Variants in LTBP2 observed in about 807,000 individuals in gnomAD.
LTBP2 encodes latent transforming growth factor beta binding protein 2, also known as latent-transforming growth factor beta-binding protein 2.
A neutral mutation model predicts 210.6 loss-of-function variants in LTBP2; 103 were observed. That is an observed-to-expected ratio of 0.49 (90% confidence interval 0.42 to 0.58). The LOEUF is 0.58. Ranked by LOEUF, LTBP2 falls within the 20% of genes least tolerant of loss-of-function variation. The pLI, the probability that LTBP2 is intolerant of heterozygous loss-of-function variation, is 0.00. For missense variants in LTBP2, 2,313 were observed against 2,494.5 expected (o/e 0.93, Z 1.55); for synonymous variants, 1,007 against 1,015.0 (o/e 0.99, Z 0.15).
intron 1 of LTBP2, among the ~76,000 whole-genome samples, chr14:74,611,010 G>A (rs2088597810): frequency 1.3e-5 from 2 of 152,090 alleles, no homozygotes; most frequent in Non-Finnish European, 2.9e-5. Flanking sequence ...TCTCCATGGG[G>A]CCCCCGACAC....
intron 3 of LTBP2, among the ~76,000 whole-genome samples, chr14:74,569,954 TC>T (rs1446205784): frequency 6.6e-6 from 1 of 151,852 alleles, no homozygotes; most frequent in Non-Finnish European, 1.5e-5. Flanking sequence ...GCAGCCAAAC[TC>T]CCTCCACAAG....
At chr14:74,581,999 A>G (rs576128986) in intron 3 of LTBP2, among the ~76,000 whole-genome samples, 2 of 150,878 alleles carry the variant, frequency 1.3e-5, no homozygotes, top group Non-Finnish European at 2.9e-5. Flanking sequence ...ATGTTGTGAC[A>G]AAGCCTGCCT....
intron 13 of LTBP2, among the ~76,000 whole-genome samples, chr14:74,526,657 T>C (rs1450676760): frequency 6.6e-6 from 1 of 152,112 alleles, no homozygotes; most frequent in African/African-American, 2.4e-5. Context: ...AGCTTTGGCC[T>C]GGGGGGACAT....
At chr14:74,511,105 TG>T in intron 19 of LTBP2, 139 bp downstream of exon 19, 1 of 1,389,804 alleles carries the variant, frequency 7.2e-7, no homozygotes, top group South Asian at 1.2e-5. Context: ...CAGCGTCATC[TG>T]GGAACCCAGC....
chr14:74,502,618 G>A, intron 34 of LTBP2, 35 bp downstream of exon 34: 4 of 1,613,942 alleles, frequency 2.5e-6, no homozygotes, highest in Non-Finnish European at 2.5e-6. Flanking sequence ...CAGCTTTGGT[G>A]CCCACCTCTT....
rs1032864075 is a variant in LTBP2 at position 74,586,290 on chromosome 14, T to C, written c.566-172A>G. Among the ~76,000 whole-genome samples, 4 of 152,084 alleles carry C rather than the reference T, an allele frequency of 2.6e-5. No individual in the cohort carries two copies. The highest frequency in any genetic ancestry group is 9.7e-5 in the African/African-American group (4 of 41,418). ...CTGACCCATGTCTCTCCCACCTCCA[T>C]CCACAGACCCCCAGGACTTGTTCAC... On this transcript the variant is annotated intron_variant, in intron 2 of 35. Coordinates refer to ENST00000261978, the MANE Select transcript of LTBP2 (RefSeq NM_000428.3). This position sits in a 1 kb window ranked among gnomAD's most constrained non-coding sequence, Gnocchi z 4.6.
intron 3 of LTBP2, among the ~76,000 whole-genome samples, chr14:74,578,422 G>T (rs1290959018): frequency 1.3e-5 from 2 of 152,168 alleles, no homozygotes; most frequent in East Asian, 1.9e-4. Flanking sequence ...GGGAGGTAAA[G>T]GGGCTTGCAA....
chr14:74,561,222 G>A (rs1446650869), intron 3 of LTBP2, among the ~76,000 whole-genome samples: 3 of 152,114 alleles, frequency 2.0e-5, no homozygotes, highest in Admixed American at 6.5e-5. Flanking sequence ...GGAGGCTGAG[G>A]CAGGAGAATC....
At chr14:74,588,265 C>T (rs1357045894) in intron 2 of LTBP2, among the ~76,000 whole-genome samples, 2 of 152,140 alleles carry the variant, frequency 1.3e-5, no homozygotes, top group Non-Finnish European at 2.9e-5. Flanking sequence ...TCTTGTTGCC[C>T]AGGCTGGATG....
Position 74,498,263 on chromosome 14 carries a change from T to TG in LTBP2, c.*2620dup, listed in dbSNP as rs1257546490. 1 of 182,938 alleles carries TG rather than the reference T, an allele frequency of 5.5e-6. No individual in the cohort carries two copies. The highest frequency in any genetic ancestry group is 2.4e-5 in the African/African-American group (1 of 42,512). 11.3% of individuals were successfully genotyped at this position (182,938 alleles called of 1,614,324 possible). A position where few individuals can be genotyped will look rare whatever the true frequency, so the allele number is the denominator to read the frequency against. On this transcript the variant is annotated 3_prime_UTR_variant, in exon 36 of 36. Coordinates refer to ENST00000261978, the MANE Select transcript of LTBP2 (RefSeq NM_000428.3). Reference sequence around the variant, plus strand: ...CAAAAAAATACAAAAGGAGATACAGTGAAAAGTCTCCCAATCCTGTACCTA... The same window carrying TG: ...CAAAAAAATACAAAAGGAGATACAGTGGAAAAGTCTCCCAATCCTGTACCTA...
intron 3 of LTBP2, among the ~76,000 whole-genome samples, chr14:74,581,612 C>A (rs1004982578): frequency 6.6e-6 from 1 of 152,088 alleles, no homozygotes; most frequent in African/African-American, 2.4e-5. Context: ...CTCCGTCTTA[C>A]AATTGCAAGG....
chr14:74,552,200 G>A lies in LTBP2; in HGVS notation c.1386C>T (p.Leu462=), dbSNP rs2087667991. 9.3e-6 allele frequency: 15 copies of A among 1,608,272 alleles called. No individual in the cohort carries two copies. Among genetic ancestry groups the A allele is most frequent in the South Asian group, 2.2e-5 (2 of 90,594 alleles). ...PLKQSTFTLP[L]SNQLASVNPS... is the part of the protein sequence containing the mutation. ...GCCGGCACTCACCCAGCTGGTTGGA[G>A]AGCGGCAGTGTGAAAGTGGACTGCT... The change falls in exon 6 of 36, where the codon CTC becomes CTT. Residue 462 remains leucine (L), a synonymous_variant. Coordinates refer to ENST00000261978, the MANE Select transcript of LTBP2 (RefSeq NM_000428.3).
At chr14:74,516,731 A>T in intron 18 of LTBP2, 91 bp downstream of exon 18, 1 of 1,506,308 alleles carries the variant, frequency 6.6e-7, no homozygotes, top group Non-Finnish European at 9.0e-7. Flanking sequence ...GGCAGAGACA[A>T]GCCAGAAGGC....
intron 9 of LTBP2, among the ~76,000 whole-genome samples, chr14:74,534,337 G>A (rs1358905768): frequency 6.6e-6 from 1 of 152,152 alleles, no homozygotes; most frequent in African/African-American, 2.4e-5. Flanking sequence ...GCAGACATGT[G>A]GCATCTCCCG....
intron 14 of LTBP2, among the ~76,000 whole-genome samples, chr14:74,525,634 C>G (rs1349659252): frequency 6.6e-6 from 1 of 152,230 alleles, no homozygotes; most frequent in Non-Finnish European, 1.5e-5. Context: ...GTCTGCAAGA[C>G]AGGCATCAGT....
At chr14:74,511,972 T>C (rs1415424652) in intron 18 of LTBP2, among the ~76,000 whole-genome samples, 1 of 152,190 alleles carries the variant, frequency 6.6e-6, no homozygotes, top group African/African-American at 2.4e-5. Flanking sequence ...GTAGGGATCC[T>C]GGCACCCACT....
rs373258526 is a variant in LTBP2 at position 74,586,019 on chromosome 14, A to G, written c.665T>C (p.Ile222Thr). The G allele has an allele frequency of 6.2e-7, 1 of 1,607,800 alleles. No homozygotes were observed. The highest frequency in any genetic ancestry group is 8.5e-7 in the Non-Finnish European group (1 of 1,177,406). ...CTGGGGGTCAAATTCCTCATCGGGA[A>G]TGACCTCCTCGCAGCGGGCTCCACG... is the stretch of plus-strand genomic sequence containing the variant. The part of the protein sequence containing the change: ...GFRGARCEEV[I>T]PDEEFDPQNS... The change falls in exon 3 of 36, where the codon ATT becomes ACT. Residue 222 changes from isoleucine (I) to threonine (T), a missense_variant. Ile to Thr is a moderately conservative substitution (Grantham distance 89). Around this residue, in one of 3 missense-constraint regions of LTBP2, gnomAD observed 1,867 missense variants for 1,976.9 expected, o/e 0.94. Transcript: ENST00000261978. The surrounding 1 kb of genome is among the most constrained non-coding windows in gnomAD (Gnocchi z 4.6).
chr14:74,562,858 C>T (rs1268720174), intron 3 of LTBP2, among the ~76,000 whole-genome samples: 1 of 152,184 alleles, frequency 6.6e-6, no homozygotes, highest in Non-Finnish European at 1.5e-5. Context: ...AATTTGGCAA[C>T]GTCTATCCAC....
intron 3 of LTBP2, among the ~76,000 whole-genome samples, chr14:74,556,761 G>A (rs1460382748): frequency 1.3e-5 from 2 of 152,118 alleles, no homozygotes; most frequent in African/African-American, 4.8e-5. Flanking sequence ...CAGGTGATCC[G>A]CCCACCTTGG....
Sources: allele counts gnomAD v4.1 joint callset (sites outside exome capture counted in the v4.1 genomes callset), GRCh38; gene constraint gnomAD v4.1.1; regional missense constraint gnomAD v4.1.1; non-coding constraint Gnocchi (gnomAD v3.1); transcripts MANE v1.5; gene names NCBI Gene and HGNC (gene_info 2026-07-23, HGNC 2026-07-21).